KALRN: variants seen among roughly 807,000 people sequenced by gnomAD.
KALRN encodes the protein kalirin RhoGEF kinase, also known as kalirin.
A neutral mutation model predicts 353.7 loss-of-function variants in KALRN; 70 were observed. The observed-to-expected ratio is 0.20, with a 90% CI of 0.16 to 0.24. KALRN has a LOEUF of 0.24. KALRN is among the 10% of genes least tolerant of loss of function. The pLI is 1.00. For missense variants in KALRN, 2,791 were observed against 3,756.7 expected (o/e 0.74, Z 6.72); for synonymous variants, 1,391 against 1,434.8 (o/e 0.97, Z 0.69).
intron 1 of KALRN, among the ~76,000 whole-genome samples, chr3:124,155,353 G>A (rs934403336): frequency 6.6e-6 from 1 of 152,076 alleles, no homozygotes; most frequent in African/African-American, 2.4e-5. Context: ...TTTCCTCACA[G>A]CATCACAATG....
chr3:124,601,191 G>A (rs2149451684), intron 34 of KALRN, among the ~76,000 whole-genome samples: 1 of 152,308 alleles, frequency 6.6e-6, no homozygotes, highest in East Asian at 1.9e-4. Flanking sequence ...CCTGAGGGTG[G>A]TTGTGAAGAT....
chr3:124,678,401 T>A, intron 50 of KALRN, 88 bp downstream of exon 50: 1 of 1,465,290 alleles, frequency 6.8e-7, no homozygotes, highest in Non-Finnish European at 9.2e-7. Flanking sequence ...GTGGATGGGT[T>A]ATTTTTTTTT....
At chr3:124,227,696 T>G (rs2078714672) in intron 1 of KALRN, among the ~76,000 whole-genome samples, 1 of 76,096 alleles carries the variant, frequency 1.3e-5, no homozygotes, top group African/African-American at 5.5e-5. Flanking sequence ...TTTTTTTTTT[T>G]TTTTTTTTTG....
chr3:124,152,552 CT>C (rs138977397), intron 1 of KALRN: 6 of 234,594 alleles, frequency 2.6e-5, no homozygotes, highest in Non-Finnish European at 4.3e-5. Context: ...TTTTCTTTTT[CT>C]TTTCTTTTCT....
chr3:124,669,365 G>A (rs766808961), intron 47 of KALRN, among the ~76,000 whole-genome samples: 1 of 152,182 alleles, frequency 6.6e-6, no homozygotes, highest in African/African-American at 2.4e-5. Flanking sequence ...AACAAACCCT[G>A]TAGGGACGCA....
At chr3:124,618,086 CTTTTTTTTTTTTTTTTTTTTTTTTTT>C (rs71145464) in intron 34 of KALRN, among the ~76,000 whole-genome samples, 1 of 63,336 alleles carries the variant, frequency 1.6e-5, no homozygotes, top group African/African-American at 6.7e-5. Context: ...GTGCAGAAAT[CTTTTTTTTTTTTTTTTTTTTTTTTTT>C]TTTTTTTTTT....
Position 124,660,974 on chromosome 3 carries a change from G to A in KALRN, c.6267+1G>A. On this transcript the variant is annotated splice_donor_variant, in intron 44 of 59. Transcript: ENST00000682506. LOFTEE classifies it high-confidence loss of function. ...TGGTTTGGAGTGTTCAGATATTGAGGTGAGTTTTCTGCTTGTAATGCTTGC... is the reference window on the plus strand; with the variant it reads ...TGGTTTGGAGTGTTCAGATATTGAGATGAGTTTTCTGCTTGTAATGCTTGC... 1 of 1,600,096 alleles carries A rather than the reference G, an allele frequency of 6.2e-7. No homozygotes were observed. Among genetic ancestry groups the A allele is most frequent in the Non-Finnish European group, 8.6e-7 (1 of 1,167,538 alleles).
At chr3:124,253,422 T>C (rs1487553847) in intron 3 of KALRN, among the ~76,000 whole-genome samples, 2 of 152,208 alleles carry the variant, frequency 1.3e-5, no homozygotes, top group East Asian at 3.8e-4. Context: ...TTTTTCTTCC[T>C]CCCTTTTCTG....
At chr3:124,229,147 G>A (rs1337502017) in intron 2 of KALRN, among the ~76,000 whole-genome samples, 3 of 152,170 alleles carry the variant, frequency 2.0e-5, no homozygotes, top group Admixed American at 6.5e-5. Context: ...CTGCCTTCTC[G>A]CTGTAACAAC....
chr3:124,251,112 G>GGT (rs2071087120), intron 3 of KALRN, among the ~76,000 whole-genome samples: 1 of 152,160 alleles, frequency 6.6e-6, no homozygotes, highest in South Asian at 2.1e-4. Context: ...CTCTTCCTTT[G>GGT]GTGAACAGGA....
At chr3:124,308,235 T>C (rs1019096587) in intron 6 of KALRN, among the ~76,000 whole-genome samples, 9 of 152,004 alleles carry the variant, frequency 5.9e-5, no homozygotes, top group Non-Finnish European at 1.0e-4. Flanking sequence ...GAGACTTCAA[T>C]ACCCCCTTTT....
At chr3:124,492,406 G>C (rs2063264290) in intron 31 of KALRN, among the ~76,000 whole-genome samples, 1 of 152,156 alleles carries the variant, frequency 6.6e-6, no homozygotes, top group Non-Finnish European at 1.5e-5. Flanking sequence ...AGCAACCCAG[G>C]TGTTAATCCC....
intron 1 of KALRN, among the ~76,000 whole-genome samples, chr3:124,067,662 C>T (rs542313734): frequency 6.6e-6 from 1 of 152,214 alleles, no homozygotes; most frequent in African/African-American, 2.4e-5. Flanking sequence ...CCATGTCAGC[C>T]TTTCTCACTG....
At chr3:124,139,776 A>G (rs1036618529) in intron 1 of KALRN, among the ~76,000 whole-genome samples, 5 of 152,146 alleles carry the variant, frequency 3.3e-5, no homozygotes, top group African/African-American at 1.2e-4. Flanking sequence ...TTGAAATAAC[A>G]GTTTCAGGAC....
At chr3:124,664,388 A>C in intron 45 of KALRN, among the ~76,000 whole-genome samples, 1 of 133,608 alleles carries the variant, frequency 7.5e-6, no homozygotes, top group Non-Finnish European at 1.6e-5. Context: ...CGCGCATATA[A>C]GGGCACCCAC....
intron 34 of KALRN, among the ~76,000 whole-genome samples, chr3:124,603,038 G>C (rs2076977002): frequency 6.6e-6 from 1 of 152,086 alleles, no homozygotes; most frequent in African/African-American, 2.4e-5. Flanking sequence ...GAAACCATGG[G>C]ATGGGTTAGC....
intron 33 of KALRN, among the ~76,000 whole-genome samples, chr3:124,503,214 A>G (rs548771153): frequency 2.0e-5 from 3 of 152,344 alleles, no homozygotes; most frequent in African/African-American, 4.8e-5. Flanking sequence ...CCTGAAAAGT[A>G]TATATAATTG....
chr3:124,668,683 A>G (rs1389159807), intron 47 of KALRN, among the ~76,000 whole-genome samples: 1 of 152,244 alleles, frequency 6.6e-6, no homozygotes, highest in African/African-American at 2.4e-5. Flanking sequence ...AAACAACTAG[A>G]CTAAGTGATC....
chr3:124,504,752 A>G, intron 33 of KALRN: 1 of 429,542 alleles, frequency 2.3e-6, no homozygotes, highest in South Asian at 1.8e-5. Flanking sequence ...GAGCACTGGG[A>G]TGTGGCAAGG....
Sources: gnomAD v4.1 joint callset for allele counts (sites outside exome capture counted in the v4.1 genomes callset) on GRCh38, gnomAD v4.1.1 for gene constraint, MANE v1.5 for transcripts, NCBI Gene and HGNC (gene_info 2026-07-23, HGNC 2026-07-21) for gene names.